The following ESR1 variants were observed in gnomAD, a reference collection of about 807,000 sequenced individuals.
ESR1 encodes the protein estrogen receptor.
A neutral mutation model predicts 52.7 loss-of-function variants in ESR1; 12 were observed. That is an observed-to-expected ratio of 0.23 (90% CI 0.15 to 0.37). ESR1 has a LOEUF of 0.37. Ranked by LOEUF, ESR1 falls within the 10% of genes least tolerant of loss-of-function variation. The pLI, the probability that ESR1 is intolerant of heterozygous loss-of-function variation, is 1.00. For synonymous variants in ESR1, 305 were observed against 316.8 expected, an observed-to-expected ratio of 0.96 and a Z score of 0.39; for missense variants, 584 against 779.7, an observed-to-expected ratio of 0.75 and a Z score of 2.99.
intron 6 of ESR1, among the ~76,000 whole-genome samples, chr6:152,117,657 C>T (rs2051225648): frequency 6.6e-6 from 1 of 152,216 alleles, no homozygotes; most frequent in African/African-American, 2.4e-5. Context: ...CAGCACATCA[C>T]CCTGCTTCTC....
chr6:151,816,902 G>A (rs541684635), intron 1 of ESR1, among the ~76,000 whole-genome samples: 46 of 152,100 alleles, frequency 3.0e-4, no homozygotes, highest in Middle Eastern at 6.8e-3. Flanking sequence ...CAAAAACAAA[G>A]GCACTCCAAA....
chr6:152,068,035 G>A (rs3798572), intron 6 of ESR1, among the ~76,000 whole-genome samples: 33,160 of 152,064 alleles, frequency 0.22, 5,251 homozygotes, highest in African/African-American at 0.43. Context: ...TACAAACTAA[G>A]AGGGAAACTG....
intron 2 of ESR1, among the ~76,000 whole-genome samples, chr6:151,857,493 C>A (rs827418): frequency 0.43 from 62,820 of 145,680 alleles, 13,398 homozygotes; most frequent in African/African-American, 0.55. Flanking sequence ...ACCCACCCAC[C>A]CACACACACA....
intron 5 of ESR1, among the ~76,000 whole-genome samples, chr6:152,058,131 G>T (rs915635633): frequency 2.6e-5 from 4 of 152,002 alleles, no homozygotes; most frequent in African/African-American, 9.7e-5. Flanking sequence ...TTGGCTATGA[G>T]TTGTTATTTT....
intron 5 of ESR1, among the ~76,000 whole-genome samples, chr6:152,023,872 T>C (rs2043899622): frequency 6.6e-6 from 1 of 152,192 alleles, no homozygotes; most frequent in Non-Finnish European, 1.5e-5. Context: ...TGGCATACTT[T>C]AGCCTGCTTA....
chr6:151,732,625 T>C (rs1782339558), intron 2 of ESR1, among the ~76,000 whole-genome samples: 1 of 152,072 alleles, frequency 6.6e-6, no homozygotes, highest in Non-Finnish European at 1.5e-5. Flanking sequence ...CCTTTTCAGT[T>C]GACCTATTGC....
At chr6:152,076,075 A>C (rs1585125605) in intron 6 of ESR1, among the ~76,000 whole-genome samples, 1 of 152,218 alleles carries the variant, frequency 6.6e-6, no homozygotes, top group African/African-American at 2.4e-5. Flanking sequence ...TAAATCCAGG[A>C]GACAGATTAT....
chr6:151,844,664 C>G (rs181688966), intron 2 of ESR1, among the ~76,000 whole-genome samples: 4 of 152,176 alleles, frequency 2.6e-5, no homozygotes, highest in Non-Finnish European at 5.9e-5. Context: ...GGCCCGTGGC[C>G]GATCCCTGAT....
intron 3 of ESR1, among the ~76,000 whole-genome samples, chr6:151,936,682 G>C (rs1429998194): frequency 2.0e-5 from 3 of 152,162 alleles, no homozygotes; most frequent in African/African-American, 4.8e-5. Flanking sequence ...CACTGGACAT[G>C]ACACTGTTGT....
intron 5 of ESR1, among the ~76,000 whole-genome samples, chr6:152,055,029 G>C (rs114763208): frequency 1.3e-5 from 2 of 152,052 alleles, no homozygotes; most frequent in Non-Finnish European, 2.9e-5. Flanking sequence ...CTTGTTAAAG[G>C]GTGAGTAGCA....
chr6:151,801,299 A>C (rs1777218430), upstream of ESR1, among the ~76,000 whole-genome samples: 1 of 152,216 alleles, frequency 6.6e-6, no homozygotes. Flanking sequence ...AGTACTTTCT[A>C]CATTGTCTTC....
chr6:151,923,206 A>G (rs754370638), intron 3 of ESR1, among the ~76,000 whole-genome samples: 1 of 152,270 alleles, frequency 6.6e-6, no homozygotes, highest in East Asian at 1.9e-4. Flanking sequence ...TCCTAAGTCC[A>G]TTAGTGAGTT....
chr6:151,662,092 A>T (rs547661289), intron 1 of ESR1, among the ~76,000 whole-genome samples: 3 of 152,170 alleles, frequency 2.0e-5, no homozygotes, highest in Non-Finnish European at 4.4e-5. Flanking sequence ...AGGTGAAAGG[A>T]GGCAGTCCTG....
At chr6:152,011,341 GCTGT>G (rs1490768715) in intron 4 of ESR1, among the ~76,000 whole-genome samples, 6 of 152,116 alleles carry the variant, frequency 3.9e-5, no homozygotes, top group African/African-American at 1.4e-4. Flanking sequence ...TACTATTATA[GCTGT>G]CTAAGTAGAA....
chr6:151,955,838 T>C (rs1023584277), intron 4 of ESR1, among the ~76,000 whole-genome samples: 22 of 152,168 alleles, frequency 1.4e-4, no homozygotes, highest in Non-Finnish European at 4.4e-5. Context: ...CTAAGCATAG[T>C]ACCCAACAGT....
At chr6:151,922,475 A>G (rs1403435545) in intron 3 of ESR1, among the ~76,000 whole-genome samples, 1 of 152,138 alleles carries the variant, frequency 6.6e-6, no homozygotes, top group African/African-American at 2.4e-5. Flanking sequence ...GAACCCATGA[A>G]TATTTATGCT....
Position 151,808,326 on chromosome 6 carries a change from C to A in ESR1, c.414C>A (p.Gly138=). 6.5e-7 allele frequency: 1 copy of A among 1,545,062 alleles called. No individual in the cohort carries two copies. Among genetic ancestry groups the A allele is most frequent in the South Asian group, 1.2e-5 (1 of 81,664 alleles). ...VPYYLENEPS[G]YTVREAGPPA... is the part of the protein sequence containing the mutation. ...ACTACCTGGAGAACGAGCCCAGCGGCTACACGGTGCGCGAGGCCGGCCCGC... is the reference window on the plus strand; with the variant it reads ...ACTACCTGGAGAACGAGCCCAGCGGATACACGGTGCGCGAGGCCGGCCCGC... The change falls in exon 1 of 8, where the codon GGC becomes GGA. Residue 138 remains glycine, a synonymous_variant. Coordinates refer to ENST00000206249, the MANE Select transcript of ESR1 (RefSeq NM_000125.4).
At chr6:151,755,720 T>C (rs1365278765) in intron 2 of ESR1, among the ~76,000 whole-genome samples, 8 of 152,042 alleles carry the variant, frequency 5.3e-5, no homozygotes, top group Admixed American at 5.2e-4. Flanking sequence ...AACTTCCGCC[T>C]CCCAGATTCA....
chr6:151,704,000 C>G (rs896133807), intron 2 of ESR1, among the ~76,000 whole-genome samples: 28 of 152,312 alleles, frequency 1.8e-4, no homozygotes, highest in African/African-American at 6.7e-4. Flanking sequence ...ATTTTTGCTG[C>G]CTTTCCAATT....
Sources: gnomAD v4.1 joint callset for allele counts (sites outside exome capture counted in the v4.1 genomes callset) on GRCh38, gnomAD v4.1.1 for gene constraint, MANE v1.5 for transcripts, NCBI Gene and HGNC (gene_info 2026-07-23, HGNC 2026-07-21) for gene names.